UTP18: variants seen among roughly 807,000 people sequenced by gnomAD.
UTP18 encodes U3 small nucleolar RNA-associated protein 18 homolog.
In UTP18, 36 loss-of-function variants were observed where a neutral mutation model predicts 61.1. That is an observed-to-expected ratio of 0.59 (90% CI 0.45 to 0.78). UTP18 has a LOEUF of 0.78. Ranked by LOEUF, UTP18 falls within the 30% of genes least tolerant of loss-of-function variation. UTP18 has a pLI of 0.00. For synonymous variants in UTP18, 282 were observed against 251.1 expected, an observed-to-expected ratio of 1.12 and a Z score of -1.16; for missense variants, 753 against 693.9, an observed-to-expected ratio of 1.09 and a Z score of -0.96.
At chr17:51,292,621 G>A (rs1455161314) in intron 11 of UTP18, among the ~76,000 whole-genome samples, 2 of 152,196 alleles carry the variant, frequency 1.3e-5, no homozygotes, top group East Asian at 1.9e-4. Context: ...GAATGATAAC[G>A]GTTGTATATA....
intron 9 of UTP18, among the ~76,000 whole-genome samples, chr17:51,284,121 T>C (rs539354776): frequency 6.6e-6 from 1 of 152,242 alleles, no homozygotes; most frequent in African/African-American, 2.4e-5. Context: ...TTTTCCCAAA[T>C]GTGTTTTACT....
In UTP18 at chr17:51,260,726, C is replaced by T. The variant is rs1023703555; in HGVS notation, c.142C>T (p.Arg48Trp). The change falls in exon 1 of 14, where the codon CGG becomes TGG. Residue 48 changes from arginine to tryptophan, a missense_variant. By Grantham distance (101) the Arg-to-Trp change is moderately radical. Coordinates refer to ENST00000225298, the MANE Select transcript of UTP18 (RefSeq NM_016001.3). Reference sequence around the variant, plus strand: ...CCAAAAGCCTGCCCCTTCATCCCAGCGGAAACCGCCGGCCCGGCCGAGCGC... The same window carrying T: ...CCAAAAGCCTGCCCCTTCATCCCAGTGGAAACCGCCGGCCCGGCCGAGCGC... ...PPQKPAPSSQ[R>W]KPPARPSAAA... 2 of 1,592,088 alleles carry T rather than the reference C, an allele frequency of 1.3e-6. No individual in the cohort carries two copies. Among genetic ancestry groups the T allele is most frequent in the Non-Finnish European group, 8.5e-7 (1 of 1,170,148 alleles).
intron 9 of UTP18, among the ~76,000 whole-genome samples, chr17:51,282,111 A>G (rs1904950378): frequency 6.6e-6 from 1 of 152,160 alleles, no homozygotes; most frequent in African/African-American, 2.4e-5. Flanking sequence ...ACAGCTACAT[A>G]ATCTTAGTAT....
chr17:51,293,766 C>T (rs1905291429), intron 11 of UTP18, 137 bp from the exon 12 acceptor site: 1 of 666,754 alleles, frequency 1.5e-6, no homozygotes, highest in Non-Finnish European at 2.2e-6. Context: ...CTTTGCTGCA[C>T]TAATAGACTG....
At chr17:51,292,384 G>A (rs907782430) in intron 11 of UTP18, among the ~76,000 whole-genome samples, 1 of 152,212 alleles carries the variant, frequency 6.6e-6, no homozygotes, top group African/African-American at 2.4e-5. Context: ...CTGCCTTCTG[G>A]CAAAGTTGAA....
chr17:51,280,447 C>A lies in UTP18; in HGVS notation c.1172C>A (p.Ser391Tyr). 1 of 1,614,178 alleles carries A rather than the reference C, an allele frequency of 6.2e-7. No individual in the cohort carries two copies. The highest frequency in any genetic ancestry group is 8.5e-7 in the Non-Finnish European group (1 of 1,180,016). Residue 391 changes from serine (S) to tyrosine (Y), a missense_variant, in exon 9 of 14, where the codon TCT (serine) becomes TAT (tyrosine). Transcript: ENST00000225298. ...GGAAGGGTTGCAGCATCCACATTCT[C>A]TTCAGATAGTAAGAAAGTATACGCC... is the stretch of plus-strand genomic sequence containing the variant. The part of the protein sequence containing the change: ...INGRVAASTF[S>Y]SDSKKVYASS...
At chr17:51,293,767 T>C (rs1905291495) in intron 11 of UTP18, 136 bp from the exon 12 acceptor site, 1 of 673,060 alleles carries the variant, frequency 1.5e-6, no homozygotes, top group African/African-American at 1.8e-5. Context: ...TTTGCTGCAC[T>C]AATAGACTGT....
chr17:51,295,190 A>G (rs1304267537), intron 12 of UTP18, among the ~76,000 whole-genome samples: 5 of 149,046 alleles, frequency 3.4e-5, no homozygotes, highest in African/African-American at 9.9e-5. Context: ...CTGTGCAGAA[A>G]CTCTTTAGTT....
At chr17:51,275,081 C>G (rs973064078) in intron 5 of UTP18, among the ~76,000 whole-genome samples, 3 of 151,420 alleles carry the variant, frequency 2.0e-5, no homozygotes, top group Non-Finnish European at 2.9e-5. Context: ...TCTGTAATCC[C>G]AGCTACTTGG....
In UTP18 at chr17:51,260,558, C is replaced by T. The variant is rs201169817; in HGVS notation, c.-27C>T. 1.2e-5 allele frequency: 19 copies of T among 1,597,292 alleles called. No homozygotes were observed. Among genetic ancestry groups the T allele is most frequent in the South Asian group, 1.1e-4 (10 of 89,200 alleles). On this transcript the variant is annotated 5_prime_UTR_variant, in exon 1 of 14. Coordinates refer to ENST00000225298, the MANE Select transcript of UTP18 (RefSeq NM_016001.3). ...CATGCGCAGCGAGGTTCCACGTGAG[C>T]GCCTGCGTTTCTCCTCAAACCTAAC... is the stretch of plus-strand genomic sequence containing the variant.
In UTP18 at chr17:51,260,614, A is replaced by G. The variant is rs2055423150; in HGVS notation, c.30A>G (p.Lys10=). MPPERRRRM[K]LDRRTGAKPK... ...CGCCGGAGCGGAGGAGACGAATGAA[A>G]CTGGACCGGAGAACCGGAGCGAAGC... Residue 10 remains lysine, a synonymous_variant, in exon 1 of 14, where the codon AAA becomes AAG. Coordinates refer to ENST00000225298, the MANE Select transcript of UTP18 (RefSeq NM_016001.3). The G allele has an allele frequency of 1.2e-6, 2 of 1,612,620 alleles. No individual in the cohort carries two copies. The highest frequency in any genetic ancestry group is 1.7e-6 in the Non-Finnish European group (2 of 1,179,688).
In UTP18 at chr17:51,285,278, CAAGG is replaced by C. The variant is rs1188024533; in HGVS notation, c.1242_1245del (p.Arg414SerfsTer15). On this transcript the variant is annotated frameshift_variant, in exon 10 of 14. Coordinates refer to ENST00000225298, the MANE Select transcript of UTP18 (RefSeq NM_016001.3). LOFTEE classifies it high-confidence loss of function. The stretch of plus-strand genomic sequence containing the variant: ...GAAGTTTATGTTTGGGATGTGAACT[CAAGG>C]AAGTGCCTTAACAGATTTGTTGATG... The C allele has an allele frequency of 6.2e-7, 1 of 1,613,560 alleles. No individual in the cohort carries two copies. The highest frequency in any genetic ancestry group is 2.2e-5 in the East Asian group (1 of 44,814).
At chr17:51,296,915 CTG>C (rs776749766) in intron 12 of UTP18, 48 bp from the exon 13 acceptor site, 3 of 1,564,978 alleles carry the variant, frequency 1.9e-6, no homozygotes, top group East Asian at 2.3e-5. Context: ...ATTGAAAACA[CTG>C]TGGGTAATTA....
intron 4 of UTP18, among the ~76,000 whole-genome samples, chr17:51,269,229 A>G (rs187112433): frequency 3.3e-3 from 431 of 130,520 alleles, no homozygotes; most frequent in South Asian, 8.5e-3. Flanking sequence ...CTAGGGTGCA[A>G]TAACCTGTGA....
Position 51,285,478 on chromosome 17 carries a change from A to C in UTP18, c.1328+110A>C, listed in dbSNP as rs1268247504. ...GAGTAGTTCTCTTTATAAACTATTC[A>C]GTAATATGAAATTGGTCAACCCAGC... On this transcript the variant is annotated intron_variant, in intron 10 of 13. Coordinates refer to ENST00000225298, the MANE Select transcript of UTP18 (RefSeq NM_016001.3). The C allele has an allele frequency of 6.8e-6, 9 of 1,330,748 alleles. No individual in the cohort carries two copies. In the East Asian group the frequency reaches 2.2e-4, roughly 33 times the overall value. The allele number at this position is 1,330,748 out of a possible 1,614,324, so 82.4% of individuals were successfully genotyped here. A position where few individuals can be genotyped will look rare whatever the true frequency, so the allele number is the denominator to read the frequency against.
chr17:51,293,552 A>G (rs1905285585), intron 11 of UTP18, among the ~76,000 whole-genome samples: 1 of 144,868 alleles, frequency 6.9e-6, no homozygotes, highest in African/African-American at 2.6e-5. Context: ...AGTGTATTTT[A>G]TGTGTGGCCC....
intron 4 of UTP18, 149 bp downstream of exon 4, chr17:51,269,053 G>C (rs1381415894): frequency 1.4e-6 from 1 of 701,300 alleles, no homozygotes; most frequent in Middle Eastern, 2.9e-4. Flanking sequence ...TTGGGAGCCC[G>C]AGGCGGGTGG....
chr17:51,280,426 G>A lies in UTP18; in HGVS notation c.1151G>A (p.Arg384Lys). 6.2e-7 allele frequency: 1 copy of A among 1,614,140 alleles called. No homozygotes were observed. Among genetic ancestry groups the A allele is most frequent in the South Asian group, 1.1e-5 (1 of 91,072 alleles). ...ELIGSMKING[R>K]VAASTFSSDS... ...ATTGGAAGCATGAAAATTAATGGAA[G>A]GGTTGCAGCATCCACATTCTCTTCA... Residue 384 changes from arginine (R) to lysine (K), a missense_variant, in exon 9 of 14, where the codon AGG becomes AAG. Coordinates refer to ENST00000225298, the MANE Select transcript of UTP18 (RefSeq NM_016001.3).
At chr17:51,283,328 C>T (rs553816455) in intron 9 of UTP18, among the ~76,000 whole-genome samples, 75 of 151,830 alleles carry the variant, frequency 4.9e-4, no homozygotes, top group African/African-American at 1.5e-3. Flanking sequence ...ACCACCACAT[C>T]GGCTAATTTT....
Sources: allele counts gnomAD v4.1 joint callset (sites outside exome capture counted in the v4.1 genomes callset), GRCh38; gene constraint gnomAD v4.1.1; transcripts MANE v1.5; gene names NCBI Gene and HGNC (gene_info 2026-07-23, HGNC 2026-07-21).